BTAF1: variants seen among roughly 807,000 people sequenced by gnomAD.
The protein encoded by BTAF1 is TATA-binding protein-associated factor 172.
A neutral mutation model predicts 227.1 loss-of-function variants in BTAF1; 38 were observed. The ratio of observed to expected loss-of-function variants is 0.17; its 90% CI spans 0.13 to 0.22. The LOEUF is 0.22. BTAF1 is among the 10% of genes least tolerant of loss of function. BTAF1 has a pLI of 1.00. For synonymous variants in BTAF1, 742 were observed against 751.9 expected (o/e 0.99, Z 0.21); for missense variants, 1,598 against 2,204.0 (o/e 0.73, Z 5.51).
At chr10:92,007,208 G>GTT (rs1305916202) in intron 25 of BTAF1, among the ~76,000 whole-genome samples, 4 of 81,588 alleles carry the variant, frequency 4.9e-5, no homozygotes, top group African/African-American at 1.2e-4. Flanking sequence ...GGTATTTTTT[G>GTT]TCTTTTTTTT....
At chr10:91,926,503 C>A (rs968775179) in intron 1 of BTAF1, among the ~76,000 whole-genome samples, 6 of 152,172 alleles carry the variant, frequency 3.9e-5, no homozygotes, top group Non-Finnish European at 5.9e-5. Context: ...TCTAATCTTT[C>A]TCCAGCTGAT....
intron 3 of BTAF1, among the ~76,000 whole-genome samples, chr10:91,941,262 T>A (rs893101919): frequency 3.9e-5 from 6 of 152,210 alleles, no homozygotes; most frequent in African/African-American, 9.7e-5. Context: ...TTAATTTTTT[T>A]AAAAAACTCG....
At position 92,004,635 on chromosome 10, in the gene BTAF1, CTTTA is replaced by C. The variant is rs993535305; in HGVS notation, c.3661-3480_3661-3477del. Among the ~76,000 whole-genome samples, 6 of 152,084 alleles carry C rather than the reference CTTTA, an allele frequency of 3.9e-5. No individual in the cohort carries two copies. The East Asian group carries it at 1.2e-3, about 29-fold the overall frequency. On this transcript the variant is annotated intron_variant, in intron 25 of 37. Coordinates refer to ENST00000265990, the MANE Select transcript of BTAF1 (RefSeq NM_003972.3). ...GGTGTGTGCCACCATGCCCAGCTAA[CTTTA>C]TTTATTTTGTGTGGAGATGGGATCT... is the stretch of plus-strand genomic sequence containing the variant.
chr10:92,026,994 C>A, intron 36 of BTAF1, 136 bp from the exon 37 acceptor site: 1 of 976,004 alleles, frequency 1.0e-6, no homozygotes, highest in Non-Finnish European at 1.5e-6. Context: ...ACATTTTGAG[C>A]TCATGTGGCC....
At chr10:92,010,901 A>G (rs1850246027) in intron 28 of BTAF1, among the ~76,000 whole-genome samples, 172 bp from the exon 29 acceptor site, 1 of 152,240 alleles carries the variant, frequency 6.6e-6, no homozygotes, top group Admixed American at 6.5e-5. Flanking sequence ...CAGACTGAGT[A>G]GGGCAACACA....
intron 30 of BTAF1, 95 bp from the exon 31 acceptor site, chr10:92,013,572 T>C: frequency 6.8e-7 from 1 of 1,460,420 alleles, no homozygotes; most frequent in Non-Finnish European, 9.5e-7. Flanking sequence ...ATCTCTCATC[T>C]ATATGATTAT....
chr10:91,939,391 G>T (rs1844847765), intron 2 of BTAF1, among the ~76,000 whole-genome samples: 1 of 152,154 alleles, frequency 6.6e-6, no homozygotes, highest in South Asian at 2.1e-4. Flanking sequence ...TTTTTAGTAT[G>T]TAAAATGGGT....
intron 28 of BTAF1, among the ~76,000 whole-genome samples, chr10:92,010,173 G>T (rs894897661): frequency 6.6e-6 from 1 of 152,108 alleles, no homozygotes; most frequent in Non-Finnish European, 1.5e-5. Context: ...GTTCCAATTT[G>T]CAAATAAGGA....
In BTAF1 at chr10:92,029,932, TG is replaced by T. The variant is rs1254349926; in HGVS notation, c.*1002del. ...TGGCACTAAAATCATGTAGTTATACTGGGCAGCAATAATAATTGGGCATGAG... is the reference window on the plus strand; with the variant it reads ...TGGCACTAAAATCATGTAGTTATACTGGCAGCAATAATAATTGGGCATGAG... On this transcript the variant is annotated 3_prime_UTR_variant, in exon 38 of 38. Transcript: ENST00000265990. 1 of 152,538 alleles carries T rather than the reference TG, an allele frequency of 6.6e-6. No individual in the cohort carries two copies. Among genetic ancestry groups the T allele is most frequent in the Non-Finnish European group, 1.5e-5 (1 of 67,954 alleles). 9.4% of individuals were successfully genotyped at this position (152,538 alleles called of 1,614,324 possible). A position where few individuals can be genotyped will look rare whatever the true frequency, so the allele number is the denominator to read the frequency against.
At chr10:91,950,832 A>ATTTTT (rs375509577) in intron 4 of BTAF1, among the ~76,000 whole-genome samples, 9 of 132,576 alleles carry the variant, frequency 6.8e-5, no homozygotes, top group African/African-American at 2.6e-4. Flanking sequence ...ATAGAGATGT[A>ATTTTT]TTTTTTTTTT....
intron 13 of BTAF1, among the ~76,000 whole-genome samples, chr10:91,965,496 A>G (rs1048051331): frequency 6.6e-6 from 1 of 152,224 alleles, no homozygotes; most frequent in Non-Finnish European, 1.5e-5. Context: ...GATTTGGCCT[A>G]TGGGCCTTAG....
At chr10:92,022,742 C>T (rs1851228654) in intron 34 of BTAF1, among the ~76,000 whole-genome samples, 1 of 152,066 alleles carries the variant, frequency 6.6e-6, no homozygotes, top group African/African-American at 2.4e-5. Context: ...ATACTGCGTA[C>T]CACATAGTCA....
chr10:91,948,391 A>G (rs1845534663), intron 4 of BTAF1, among the ~76,000 whole-genome samples: 1 of 150,082 alleles, frequency 6.7e-6, no homozygotes, highest in Non-Finnish European at 1.5e-5. Context: ...TTATTTATTT[A>G]TTTATTTATT....
chr10:91,959,760 A>AT, intron 9 of BTAF1, 25 bp from the exon 10 acceptor site: 5 of 558,888 alleles, frequency 8.9e-6, no homozygotes, highest in African/African-American at 4.0e-5. Flanking sequence ...ATATATATAT[A>AT]TATATATATA....
intron 24 of BTAF1, 112 bp downstream of exon 24, chr10:91,996,682 A>C (rs1849166215): frequency 2.2e-6 from 2 of 917,236 alleles, no homozygotes; most frequent in East Asian, 2.7e-5. Flanking sequence ...GCCTTGTTCC[A>C]AAAAATACCT....
In BTAF1 at chr10:91,980,483, G is replaced by A. The variant is rs773224927; in HGVS notation, c.1680G>A (p.Leu560=). ...QNSSSWLIPI[L]PDMLRHIFQF... is the part of the protein sequence containing the mutation. ...CTTCATCTTGGCTTATACCTATACT[G>A]CCTGATATGCTCCGACACATTTTTC... The change falls in exon 15 of 38, where the codon CTG becomes CTA. Residue 560 remains leucine, a synonymous_variant. Coordinates refer to ENST00000265990, the MANE Select transcript of BTAF1 (RefSeq NM_003972.3). 6.2e-7 allele frequency: 1 copy of A among 1,612,966 alleles called. No homozygotes were observed. The highest frequency in any genetic ancestry group is 1.1e-5 in the South Asian group (1 of 91,004).
chr10:91,993,676 C>T lies in BTAF1; in HGVS notation c.3046-18C>T. On this transcript the variant is annotated intron_variant, in intron 21 of 37. Transcript: ENST00000265990. The stretch of plus-strand genomic sequence containing the variant: ...ATTTTTTCTGAAATTCTGTTTTTAT[C>T]TAACATTTAATTTTAAGGCCCAGAA... 1 of 1,423,854 alleles carries T rather than the reference C, an allele frequency of 7.0e-7. No homozygotes were observed. The highest frequency in any genetic ancestry group is 1.8e-5 in the South Asian group (1 of 56,734). The allele number at this position is 1,423,854 out of a possible 1,614,324, so 88.2% of individuals were successfully genotyped here.
Position 92,008,106 on chromosome 10 carries a change from T to A in BTAF1, c.3661-17T>A, listed in dbSNP as rs543537364. ...GTGAGTACGTAGTTTTTAATAACTT[T>A]AAAAAAATCATTTTAGGCAGGCATT... On this transcript the variant is annotated splice_polypyrimidine_tract_variant and intron_variant, in intron 25 of 37. Transcript: ENST00000265990. 9.6e-6 allele frequency: 15 copies of A among 1,563,402 alleles called. No individual in the cohort carries two copies. The highest frequency in any genetic ancestry group is 8.6e-5 in the South Asian group (7 of 81,152).
At chr10:91,930,250 C>G (rs565616095) in intron 1 of BTAF1, among the ~76,000 whole-genome samples, 1 of 152,096 alleles carries the variant, frequency 6.6e-6, no homozygotes, top group East Asian at 1.9e-4. Context: ...AAGATAAAGT[C>G]ATGCAAGAGG....
Sources: gnomAD v4.1 joint callset for allele counts (sites outside exome capture counted in the v4.1 genomes callset) on GRCh38, gnomAD v4.1.1 for gene constraint, MANE v1.5 for transcripts, NCBI Gene and HGNC (gene_info 2026-07-23, HGNC 2026-07-21) for gene names.